CERT1: variants seen among roughly 807,000 people sequenced by gnomAD.
The protein encoded by CERT1 is ceramide transporter 1.
CERT1 carries 31 observed loss-of-function variants against 87.9 expected under a neutral mutation model. The observed-to-expected ratio is 0.35, with a 90% CI of 0.27 to 0.48. The LOEUF (loss-of-function observed/expected upper bound fraction) is 0.48. Among genes scored for constraint, CERT1 ranks in the 20% least tolerant of loss-of-function variants. The pLI is 0.99. For missense variants in CERT1, 487 were observed against 758.0 expected, an observed-to-expected ratio of 0.64 and a Z score of 4.20; for synonymous variants, 289 against 250.9, an observed-to-expected ratio of 1.15 and a Z score of -1.44.
chr5:75,382,956 T>C (rs1413827318), intron 14 of CERT1, among the ~76,000 whole-genome samples: 1 of 152,028 alleles, frequency 6.6e-6, no homozygotes, highest in Non-Finnish European at 1.5e-5. Context: ...ATTTAAAGAA[T>C]GAGAATGACT....
intron 2 of CERT1, among the ~76,000 whole-genome samples, chr5:75,497,609 C>G (rs1767136533): frequency 6.6e-6 from 1 of 152,030 alleles, no homozygotes; most frequent in Admixed American, 6.6e-5. Context: ...TAAGGGCTTT[C>G]CCACCCTTTG....
chr5:75,460,881 G>A (rs1373802367), intron 2 of CERT1, among the ~76,000 whole-genome samples: 2 of 152,160 alleles, frequency 1.3e-5, no homozygotes, highest in Non-Finnish European at 2.9e-5. Flanking sequence ...TAAATTTCCT[G>A]AATCAGTATG....
intron 14 of CERT1, among the ~76,000 whole-genome samples, 182 bp downstream of exon 14, chr5:75,384,460 A>G (rs964284222): frequency 2.6e-5 from 4 of 152,244 alleles, no homozygotes; most frequent in Non-Finnish European, 5.9e-5. Context: ...TTGCCTGCAC[A>G]TATTTCTGTT....
chr5:75,381,644 G>A (rs1761589870), intron 15 of CERT1, among the ~76,000 whole-genome samples: 1 of 152,148 alleles, frequency 6.6e-6, no homozygotes, highest in African/African-American at 2.4e-5. Context: ...TTGGCTGGCA[G>A]TTGATAACGG....
At position 75,511,543 on chromosome 5, in the gene CERT1, AG is replaced by A; in HGVS notation, c.-337del. On this transcript the variant is annotated 5_prime_UTR_variant, in exon 1 of 17. Coordinates refer to ENST00000643780, the MANE Select transcript of CERT1 (RefSeq NM_001379029.1). ...TTCAAATAGGGAAGGAAAAGGGAAA[AG>A]AAGGGAAGAGAAAATCCGGCCGCTG... 1 of 1,457,708 alleles carries A rather than the reference AG, an allele frequency of 6.9e-7. No individual in the cohort carries two copies. Among genetic ancestry groups the A allele is most frequent in the South Asian group, 1.4e-5 (1 of 71,180 alleles). 90.3% of individuals were successfully genotyped at this position (1,457,708 alleles called of 1,614,324 possible).
downstream of CERT1, chr5:75,376,321 C>T (rs912422456): frequency 6.6e-6 from 1 of 152,106 alleles, no homozygotes; most frequent in African/African-American, 2.4e-5. Context: ...TATCTGAGAA[C>T]CTTTGGTAAG....
At chr5:75,506,180 A>C in intron 1 of CERT1, 64 bp from the exon 2 acceptor site, 1 of 1,464,262 alleles carries the variant, frequency 6.8e-7, no homozygotes, top group South Asian at 1.3e-5. Context: ...TTAGAAATCC[A>C]AACTTTGTGA....
intron 3 of CERT1, among the ~76,000 whole-genome samples, chr5:75,437,221 C>T (rs990903832): frequency 3.9e-5 from 6 of 152,190 alleles, no homozygotes; most frequent in Non-Finnish European, 8.8e-5. Context: ...ACTTTACTAA[C>T]GGTGTCTTCA....
chr5:75,424,939 C>T (rs1033298351), intron 5 of CERT1, among the ~76,000 whole-genome samples: 5 of 151,880 alleles, frequency 3.3e-5, no homozygotes, highest in Non-Finnish European at 4.4e-5. Context: ...ATAGTGAGAC[C>T]CCCGTCTCTA....
intron 12 of CERT1, among the ~76,000 whole-genome samples, chr5:75,388,118 C>T (rs1761874928): frequency 6.6e-6 from 1 of 152,162 alleles, no homozygotes; most frequent in Non-Finnish European, 1.5e-5. Context: ...TGTGATTATC[C>T]AGCAATGCCA....
intron 3 of CERT1, among the ~76,000 whole-genome samples, chr5:75,443,241 C>T (rs888971492): frequency 1.3e-5 from 2 of 151,944 alleles, no homozygotes; most frequent in African/African-American, 2.4e-5. Context: ...TTTATTATTT[C>T]CTTCCTTTTG....
At position 75,393,602 on chromosome 5, in the gene CERT1, TA is replaced by T. The variant is rs60898983; in HGVS notation, c.1189-3916del. Among the ~76,000 whole-genome samples, 109 of 32,752 alleles carry T rather than the reference TA, an allele frequency of 3.3e-3. 3 individuals carry two copies. The highest frequency in any genetic ancestry group is 6.0e-3 in the African/African-American group (63 of 10,442). 21.5% of individuals were successfully genotyped at this position (32,752 alleles called of 152,430 possible). A position where few individuals can be genotyped will look rare whatever the true frequency, so the allele number is the denominator to read the frequency against. ...GCAACATAGCAAGACCTCATCTACTTAAAAAAAAAAAAAAAAAAAAAGAAAG... is the reference window on the plus strand; with the variant it reads ...GCAACATAGCAAGACCTCATCTACTTAAAAAAAAAAAAAAAAAAAAGAAAG... On this transcript the variant is annotated intron_variant, in intron 11 of 16. Coordinates refer to ENST00000643780, the MANE Select transcript of CERT1 (RefSeq NM_001379029.1).
At position 75,419,999 on chromosome 5, in the gene CERT1, T is replaced by TG. The variant is rs766403566; in HGVS notation, c.596-576dup. On this transcript the variant is annotated intron_variant, in intron 5 of 16. Transcript: ENST00000643780. The stretch of plus-strand genomic sequence containing the variant: ...TTGTTCTTTTTTTTTTTTTTGTAGA[T>TG]GGAGTCTCACTCTGTCACCCAGGCT... Among the ~76,000 whole-genome samples, 83 of 151,198 alleles carry TG rather than the reference T, an allele frequency of 5.5e-4. 2 individuals are homozygous for TG. In the East Asian group the frequency reaches 0.012, roughly 22 times the overall value.
At chr5:75,443,685 T>C (rs1414677200) in intron 3 of CERT1, among the ~76,000 whole-genome samples, 2 of 152,230 alleles carry the variant, frequency 1.3e-5, no homozygotes, top group South Asian at 2.1e-4. Flanking sequence ...TTAGACCTAG[T>C]TGGTATATTG....
At chr5:75,466,147 T>A (rs1011993795) in intron 2 of CERT1, among the ~76,000 whole-genome samples, 3 of 152,196 alleles carry the variant, frequency 2.0e-5, no homozygotes, top group African/African-American at 7.2e-5. Flanking sequence ...AAACTATATT[T>A]CTCCTCTGCC....
chr5:75,505,383 GT>G (rs1212128089), intron 2 of CERT1: 3 of 152,190 alleles, frequency 2.0e-5, no homozygotes, highest in African/African-American at 4.8e-5. Flanking sequence ...TTTAAAGGGT[GT>G]TGAATTGGAG....
In CERT1 at chr5:75,426,432, G is replaced by C; in HGVS notation, c.395C>G (p.Ser132Ter). 1 of 1,613,762 alleles carries C rather than the reference G, an allele frequency of 6.2e-7. No individual in the cohort carries two copies. Among genetic ancestry groups the C allele is most frequent in the Non-Finnish European group, 8.5e-7 (1 of 1,179,854 alleles). Residue 132 changes from serine to a stop codon, truncating the protein, a stop_gained, in exon 4 of 17, where the codon TCA becomes TGA. Transcript: ENST00000643780. LOFTEE classifies it high-confidence loss of function. ...TGCTCCAGACACCAGGGACACCATT[G>C]AGCCATGTCGACGCAAGCTGGATTC... Reference protein sequence around the residue: ...GSESSLRRHGSMVSLVSGASG... With the variant: ...GSESSLRRHG
chr5:75,493,782 C>T (rs985684543), intron 2 of CERT1, among the ~76,000 whole-genome samples: 1 of 152,140 alleles, frequency 6.6e-6, no homozygotes, highest in Middle Eastern at 3.2e-3. Context: ...GGAGCTCCTA[C>T]TGTTCAGATG....
upstream of CERT1, chr5:75,511,818 C>T (rs916911091): frequency 1.9e-6 from 3 of 1,551,192 alleles, no homozygotes; most frequent in Non-Finnish European, 2.6e-6. Flanking sequence ...AAGGAGAGGG[C>T]GGGGTAGGGA....
Sources: gnomAD v4.1 joint callset for allele counts (sites outside exome capture counted in the v4.1 genomes callset) on GRCh38, gnomAD v4.1.1 for gene constraint, MANE v1.5 for transcripts, NCBI Gene and HGNC (gene_info 2026-07-23, HGNC 2026-07-21) for gene names.